The following PI4K2A variants were observed in gnomAD, a reference collection of about 807,000 sequenced individuals.
PI4K2A encodes phosphatidylinositol 4-kinase type 2-alpha.
PI4K2A carries 20 observed loss-of-function variants against 55.0 expected under a neutral mutation model. That is an observed-to-expected ratio of 0.36 (90% confidence interval 0.26 to 0.53). The LOEUF is 0.53. Among genes scored for constraint, PI4K2A ranks in the 20% least tolerant of loss-of-function variants. The probability of loss-of-function intolerance (pLI) is 0.91; values close to 1 mark genes in which losing one functional copy is unlikely to be tolerated. For synonymous variants in PI4K2A, 235 were observed against 258.5 expected, an observed-to-expected ratio of 0.91 and a Z score of 0.87; for missense variants, 463 against 637.1, an observed-to-expected ratio of 0.73 and a Z score of 2.94.
At chr10:97,672,986 TTTTC>T (rs1448282935) in intron 8 of PI4K2A, among the ~76,000 whole-genome samples, 2 of 151,446 alleles carry the variant, frequency 1.3e-5, no homozygotes, top group Non-Finnish European at 2.9e-5. Context: ...TGTTTTTTTT[TTTTC>T]TTTTTGTTTT....
chr10:97,643,078 C>T (rs2041486856), intron 1 of PI4K2A, among the ~76,000 whole-genome samples: 2 of 151,526 alleles, frequency 1.3e-5, no homozygotes, highest in South Asian at 4.2e-4. Flanking sequence ...GCAGCCTTGA[C>T]ATCCAGGGCT....
intron 2 of PI4K2A, 30 bp downstream of exon 2, chr10:97,651,171 T>G: frequency 1.3e-6 from 2 of 1,571,312 alleles, no homozygotes; most frequent in Non-Finnish European, 1.7e-6. Flanking sequence ...GAAGCCTTAC[T>G]GCCTGGCCAC....
At chr10:97,675,613 G>C (rs953241416) in exon 9 of PI4K2A, 1 of 152,564 alleles carries the variant, frequency 6.6e-6, no homozygotes, top group Non-Finnish European at 1.5e-5. Context: ...AGAGAGCCTG[G>C]GGGTCTAACA....
chr10:97,651,526 A>C (rs2041530060), intron 2 of PI4K2A, among the ~76,000 whole-genome samples: 2 of 152,198 alleles, frequency 1.3e-5, no homozygotes, highest in Admixed American at 1.3e-4. Flanking sequence ...GATGACAGCT[A>C]AGAACTTCTG....
intron 1 of PI4K2A, among the ~76,000 whole-genome samples, chr10:97,645,828 G>A (rs1400598539): frequency 6.6e-6 from 1 of 151,748 alleles, no homozygotes; most frequent in African/African-American, 2.4e-5. Context: ...GGGATTACAG[G>A]TGTGAGCCAC....
At chr10:97,651,612 G>C (rs1180098311) in intron 2 of PI4K2A, among the ~76,000 whole-genome samples, 2 of 152,202 alleles carry the variant, frequency 1.3e-5, no homozygotes, top group East Asian at 3.9e-4. Context: ...ACAGGGAACT[G>C]ACATGGAATA....
At position 97,671,413 on chromosome 10, in the gene PI4K2A, C is replaced by T. The variant is rs377222768; in HGVS notation, c.1279-2168C>T. ...GGTGCAGTGAGCTATGAATGTGTCA[C>T]TGTACTCCAGCTTGGGTGACAGAGT... is the stretch of plus-strand genomic sequence containing the variant. On this transcript the variant is annotated intron_variant, in intron 8 of 8. Transcript: ENST00000370631. Among the ~76,000 whole-genome samples, 5 of 151,776 alleles carry T rather than the reference C, an allele frequency of 3.3e-5. No homozygotes were observed. The South Asian group carries it at 6.2e-4, about 19-fold the overall frequency.
chr10:97,659,975 T>G (rs2041572607), intron 4 of PI4K2A, among the ~76,000 whole-genome samples: 1 of 151,534 alleles, frequency 6.6e-6, no homozygotes, highest in African/African-American at 2.4e-5. Context: ...TCCTTTCCCT[T>G]CCTTTTCTTT....
intron 6 of PI4K2A, 70 bp downstream of exon 6, chr10:97,665,054 T>C: frequency 2.2e-6 from 2 of 894,370 alleles, no homozygotes; most frequent in East Asian, 2.5e-5. Flanking sequence ...GCAGTGGAGA[T>C]GATAATGTCT....
At chr10:97,667,023 TCA>T in intron 7 of PI4K2A, 36 bp from the exon 8 acceptor site, 1 of 1,537,494 alleles carries the variant, frequency 6.5e-7, no homozygotes, top group Non-Finnish European at 9.0e-7. Context: ...TGTGAGGCAT[TCA>T]CACAGGTTCC....
At chr10:97,651,973 AACTTAGGTGGG>A (rs2041531897) in intron 2 of PI4K2A, among the ~76,000 whole-genome samples, 1 of 152,128 alleles carries the variant, frequency 6.6e-6, no homozygotes, top group South Asian at 2.1e-4. Flanking sequence ...GTTTAGTAAC[AACTTAGGTGGG>A]ACTCTCATCT....
chr10:97,673,777 C>A, exon 9 of PI4K2A: 10 of 1,603,988 alleles, frequency 6.2e-6, no homozygotes, highest in Non-Finnish European at 6.8e-6. Context: ...TTGTCAGAGA[C>A]TGGTGGGAGG....
chr10:97,643,227 C>G (rs2041487476), intron 1 of PI4K2A, among the ~76,000 whole-genome samples: 1 of 151,902 alleles, frequency 6.6e-6, no homozygotes, highest in Non-Finnish European at 1.5e-5. Context: ...TTCAAGCAGT[C>G]ATCCTCTTGC....
intron 8 of PI4K2A, among the ~76,000 whole-genome samples, 171 bp downstream of exon 8, chr10:97,667,291 C>T (rs1044602025): frequency 6.6e-6 from 1 of 151,920 alleles, no homozygotes; most frequent in Admixed American, 6.6e-5. Flanking sequence ...CTCACTGCAA[C>T]CTCCACCTCC....
intron 2 of PI4K2A, 82 bp downstream of exon 2, chr10:97,651,223 C>T (rs146663088): frequency 2.8e-4 from 300 of 1,082,472 alleles, no homozygotes; most frequent in Non-Finnish European, 3.7e-4. Flanking sequence ...TTAGTGGGAC[C>T]TTGGGTCCAG....
Position 97,640,911 on chromosome 10 carries a change from G to T in PI4K2A, c.169G>T (p.Glu57Ter). 2 of 1,310,008 alleles carry T rather than the reference G, an allele frequency of 1.5e-6. No individual in the cohort carries two copies. The highest frequency in any genetic ancestry group is 1.9e-6 in the Non-Finnish European group (2 of 1,033,998). The allele number at this position is 1,310,008 out of a possible 1,614,324, so 81.1% of individuals were successfully genotyped here. Residue 57 changes from glutamate (E) to a stop codon, truncating the protein, a stop_gained, in exon 1 of 9, where the codon GAG (glutamate) becomes TAG (stop). Coordinates refer to ENST00000370631, the Ensembl canonical transcript of PI4K2A. LOFTEE classifies it high-confidence loss of function. ...GCCGGGCTCGCCGGGCCACGACCGC[G>T]AGCGGCAGCCACTGTTGGATCGGGC...
intron 4 of PI4K2A, among the ~76,000 whole-genome samples, chr10:97,662,529 G>T (rs1231571980): frequency 6.6e-6 from 1 of 152,070 alleles, no homozygotes; most frequent in East Asian, 1.9e-4. Context: ...GATATACGAG[G>T]GTCCCTTACC....
At chr10:97,641,718 T>A (rs2041470764) in intron 1 of PI4K2A, among the ~76,000 whole-genome samples, 2 of 152,334 alleles carry the variant, frequency 1.3e-5, no homozygotes, top group South Asian at 4.1e-4. Context: ...ATGGGCGGAC[T>A]CACCAGTTTC....
At chr10:97,647,525 C>T (rs2041511246) in intron 1 of PI4K2A, among the ~76,000 whole-genome samples, 1 of 152,126 alleles carries the variant, frequency 6.6e-6, no homozygotes, top group South Asian at 2.1e-4. Context: ...GAAATTAGGC[C>T]AGAGGGTATT....
Sources: allele counts gnomAD v4.1 joint callset (sites outside exome capture counted in the v4.1 genomes callset), GRCh38; gene constraint gnomAD v4.1.1; transcripts MANE v1.5; gene names NCBI Gene and HGNC (gene_info 2026-07-23, HGNC 2026-07-21).